The following STXBP6 variants were observed in gnomAD, a reference collection of about 807,000 sequenced individuals.
STXBP6 encodes syntaxin-binding protein 6.
A neutral mutation model predicts 26.9 loss-of-function variants in STXBP6; 21 were observed. The ratio of observed to expected loss-of-function variants is 0.78; its 90% CI spans 0.55 to 1.12. STXBP6 has a LOEUF of 1.12. Among genes scored for constraint, STXBP6 ranks in the 50% most tolerant of loss-of-function variants. The pLI is 0.00. For synonymous variants in STXBP6, 97 were observed against 92.6 expected (o/e 1.05, Z -0.27); for missense variants, 232 against 257.9 (o/e 0.90, Z 0.69).
At chr14:24,882,272 G>C (rs1360196347) in intron 2 of STXBP6, among the ~76,000 whole-genome samples, 1 of 146,842 alleles carries the variant, frequency 6.8e-6, no homozygotes, top group African/African-American at 2.5e-5. Flanking sequence ...CCAGCTACTT[G>C]GGAGGCTGAG....
intron 1 of STXBP6, among the ~76,000 whole-genome samples, chr14:25,030,863 A>G (rs1309678390): frequency 4.6e-5 from 7 of 152,200 alleles, no homozygotes; most frequent in African/African-American, 1.7e-4. Context: ...GAAATTGCCT[A>G]ACACCCTACA....
intron 1 of STXBP6, among the ~76,000 whole-genome samples, chr14:25,002,884 G>C (rs908449803): frequency 6.6e-6 from 1 of 151,506 alleles, no homozygotes; most frequent in East Asian, 2.0e-4. Context: ...GTGCCACCAC[G>C]CCCAGCTAAT....
At chr14:24,886,624 C>T (rs2070597819) in intron 2 of STXBP6, among the ~76,000 whole-genome samples, 1 of 152,014 alleles carries the variant, frequency 6.6e-6, no homozygotes, top group Non-Finnish European at 1.5e-5. Context: ...TCTGTTCACC[C>T]TTTATGACTT....
At chr14:25,009,217 A>C (rs2074975400) in intron 1 of STXBP6, among the ~76,000 whole-genome samples, 1 of 152,196 alleles carries the variant, frequency 6.6e-6, no homozygotes, top group Non-Finnish European at 1.5e-5. Flanking sequence ...TAAAAAATGA[A>C]ATTTCAAAAC....
chr14:25,011,188 C>G (rs2075020449), intron 1 of STXBP6, among the ~76,000 whole-genome samples: 1 of 152,136 alleles, frequency 6.6e-6, no homozygotes, highest in African/African-American at 2.4e-5. Context: ...AACCCTGCAA[C>G]CTTTGACATA....
intron 5 of STXBP6, chr14:24,816,302 C>G (rs2067973362): frequency 6.6e-6 from 1 of 152,278 alleles, no homozygotes; most frequent in Admixed American, 6.5e-5. Context: ...ACCAGCAGGC[C>G]TGGCTGTGGC....
intron 1 of STXBP6, among the ~76,000 whole-genome samples, chr14:25,036,855 C>CAAAAA (rs549439602): frequency 9.6e-5 from 6 of 62,290 alleles, no homozygotes; most frequent in Non-Finnish European, 1.0e-4. Context: ...GACTCCGTCT[C>CAAAAA]AAAAAAAAAA....
At chr14:24,993,447 AT>A (rs1335608544) in intron 1 of STXBP6, among the ~76,000 whole-genome samples, 1 of 152,092 alleles carries the variant, frequency 6.6e-6, no homozygotes, top group Non-Finnish European at 1.5e-5. Flanking sequence ...CTTTCTTGCC[AT>A]TGCTCTAAAT....
chr14:24,819,612 G>A (rs2068082049), intron 4 of STXBP6: 1 of 366,352 alleles, frequency 2.7e-6, no homozygotes, highest in Non-Finnish European at 4.9e-6. Flanking sequence ...CTTTTGACCT[G>A]TGGTTTCGGT....
chr14:24,921,984 T>A (rs1294549548), intron 2 of STXBP6, among the ~76,000 whole-genome samples: 1 of 151,760 alleles, frequency 6.6e-6, no homozygotes, highest in Non-Finnish European at 1.5e-5. Flanking sequence ...TCAATCTTCA[T>A]CCCCCTCCCC....
intron 1 of STXBP6, among the ~76,000 whole-genome samples, chr14:25,043,333 A>G (rs1177411909): frequency 6.6e-6 from 1 of 152,242 alleles, no homozygotes; most frequent in East Asian, 1.9e-4. Context: ...CCGATAGCAG[A>G]AAATTTAACC....
intron 2 of STXBP6, among the ~76,000 whole-genome samples, chr14:24,952,399 A>G (rs761770993): frequency 9.2e-5 from 14 of 152,106 alleles, no homozygotes; most frequent in Non-Finnish European, 1.8e-4. Flanking sequence ...TTCACCTATC[A>G]ATAGCATAGA....
At chr14:24,976,724 C>T (rs1447483568) in intron 1 of STXBP6, among the ~76,000 whole-genome samples, 2 of 152,056 alleles carry the variant, frequency 1.3e-5, no homozygotes, top group Admixed American at 6.5e-5. Flanking sequence ...TATTTTCTAG[C>T]TCCAAGGCCA....
intron 4 of STXBP6, among the ~76,000 whole-genome samples, chr14:24,830,944 G>A (rs1362284180): frequency 6.6e-6 from 1 of 152,122 alleles, no homozygotes; most frequent in Non-Finnish European, 1.5e-5. Context: ...AGAGTGTTAA[G>A]ACAATTTAAT....
At chr14:24,952,023 T>C (rs903220473) in intron 2 of STXBP6, among the ~76,000 whole-genome samples, 9 of 151,012 alleles carry the variant, frequency 6.0e-5, no homozygotes, top group African/African-American at 2.2e-4. Flanking sequence ...TTTAAAATAC[T>C]TATATATATA....
At chr14:24,883,706 G>A (rs555437941) in intron 2 of STXBP6, among the ~76,000 whole-genome samples, 1 of 152,146 alleles carries the variant, frequency 6.6e-6, no homozygotes, top group South Asian at 2.1e-4. Context: ...TCACTGGGCT[G>A]GAATTAGTCA....
At chr14:24,899,803 A>AAAAAAAAAAAAAAAAAAAAAGC (rs2071144681) in intron 2 of STXBP6, among the ~76,000 whole-genome samples, 1 of 80,118 alleles carries the variant, frequency 1.2e-5, no homozygotes, top group Non-Finnish European at 2.2e-5. Flanking sequence ...AAAAAAAGCA[A>AAAAAAAAAAAAAAAAAAAAAGC]AAAAAAAAAA....
chr14:24,902,981 T>C (rs2071266387), intron 2 of STXBP6, among the ~76,000 whole-genome samples: 1 of 152,194 alleles, frequency 6.6e-6, no homozygotes, highest in Non-Finnish European at 1.5e-5. Flanking sequence ...TATATTTATC[T>C]TTGAATAAGA....
At chr14:25,036,682 G>A (rs2075558556) in intron 1 of STXBP6, among the ~76,000 whole-genome samples, 1 of 151,642 alleles carries the variant, frequency 6.6e-6, no homozygotes, top group Non-Finnish European at 1.5e-5. Flanking sequence ...GTGAAACCCC[G>A]TCTCTACTAA....
Sources: allele counts gnomAD v4.1 joint callset (sites outside exome capture counted in the v4.1 genomes callset), GRCh38; gene constraint gnomAD v4.1.1; transcripts MANE v1.5; gene names NCBI Gene and HGNC (gene_info 2026-07-23, HGNC 2026-07-21).